Variants in EGFLAM observed in about 807,000 individuals in gnomAD.
The protein encoded by EGFLAM is pikachurin.
In EGFLAM, 79 loss-of-function variants were observed where a neutral mutation model predicts 113.1. The ratio of observed to expected loss-of-function variants is 0.70; its 90% CI spans 0.58 to 0.84. The LOEUF (loss-of-function observed/expected upper bound fraction) is 0.84, where lower values mean the gene tolerates loss of function less well. EGFLAM is among the 40% of genes least tolerant of loss of function. The pLI is 0.00. For synonymous variants in EGFLAM, 504 were observed against 487.6 expected, an observed-to-expected ratio of 1.03 and a Z score of -0.44; for missense variants, 1,265 against 1,291.6, an observed-to-expected ratio of 0.98 and a Z score of 0.32.
intron 5 of EGFLAM, among the ~76,000 whole-genome samples, chr5:38,365,985 C>T (rs1046007448): frequency 1.3e-5 from 2 of 152,178 alleles, no homozygotes; most frequent in South Asian, 2.1e-4. Context: ...TCCTAATTGA[C>T]ATCAAAAGGT....
chr5:38,352,004 T>C (rs543255765), intron 4 of EGFLAM, among the ~76,000 whole-genome samples, 192 bp from the exon 5 acceptor site: 1 of 152,324 alleles, frequency 6.6e-6, no homozygotes, highest in East Asian at 1.9e-4. Flanking sequence ...GTTGTGATTA[T>C]GTTTTTATAT....
chr5:38,445,812 C>G (rs1000878629), intron 17 of EGFLAM: 1 of 1,195,470 alleles, frequency 8.4e-7, no homozygotes, highest in African/African-American at 1.5e-5. Context: ...GACATGCCTA[C>G]GCGTGGTGGG....
intron 5 of EGFLAM, among the ~76,000 whole-genome samples, chr5:38,365,112 A>G (rs1308386661): frequency 1.3e-5 from 2 of 152,200 alleles, no homozygotes; most frequent in African/African-American, 2.4e-5. Context: ...GTATTTTCCT[A>G]GCAGGATTTA....
At chr5:38,317,662 T>A (rs1308262301) in intron 1 of EGFLAM, among the ~76,000 whole-genome samples, 3 of 152,230 alleles carry the variant, frequency 2.0e-5, no homozygotes, top group Non-Finnish European at 4.4e-5. Context: ...TCTCTATTCT[T>A]TGAAAGACAG....
At chr5:38,333,586 C>T (rs537324711) in intron 1 of EGFLAM, among the ~76,000 whole-genome samples, 2 of 151,990 alleles carry the variant, frequency 1.3e-5, no homozygotes, top group African/African-American at 2.4e-5. Flanking sequence ...GCTTGTTGGT[C>T]GCATGTGTGT....
intron 1 of EGFLAM, among the ~76,000 whole-genome samples, chr5:38,302,269 A>G (rs905260783): frequency 1.3e-5 from 2 of 151,588 alleles, no homozygotes; most frequent in African/African-American, 4.9e-5. Flanking sequence ...TCTCAATCAC[A>G]TGTATAGATT....
At chr5:38,387,698 G>C (rs143858125) in intron 6 of EGFLAM, among the ~76,000 whole-genome samples, 2 of 152,314 alleles carry the variant, frequency 1.3e-5, no homozygotes, top group African/African-American at 2.4e-5. Flanking sequence ...CTCTTTCTTT[G>C]TCTTGCTTTA....
rs1242361286 is a variant in EGFLAM, at chr5:38,352,339, T to C, written c.545+8T>C. 4 of 1,613,604 alleles carry C rather than the reference T, an allele frequency of 2.5e-6. No homozygotes were observed. Among genetic ancestry groups the C allele is most frequent in the African/African-American group, 2.7e-5 (2 of 74,898 alleles). On this transcript the variant is annotated splice_region_variant and intron_variant, in intron 5 of 21. Coordinates refer to ENST00000322350, the MANE Select transcript of EGFLAM (RefSeq NM_152403.4). ...TTCTGTGGAATTCATCAGGTAAGTCTGTATGTCACATTCAAAAGCCAAATG... is the reference window on the plus strand; with the variant it reads ...TTCTGTGGAATTCATCAGGTAAGTCCGTATGTCACATTCAAAAGCCAAATG...
At chr5:38,392,884 C>T (rs886183371) in intron 6 of EGFLAM, among the ~76,000 whole-genome samples, 2 of 151,992 alleles carry the variant, frequency 1.3e-5, no homozygotes, top group Non-Finnish European at 2.9e-5. Flanking sequence ...CATCCTGTGT[C>T]CAAGTGTTCT....
chr5:38,360,390 G>T (rs948837681), intron 5 of EGFLAM, among the ~76,000 whole-genome samples: 3 of 152,202 alleles, frequency 2.0e-5, no homozygotes, highest in African/African-American at 7.2e-5. Flanking sequence ...TGGTGAAGTT[G>T]CTTGATTCCA....
chr5:38,312,381 A>C (rs756608949), intron 1 of EGFLAM, among the ~76,000 whole-genome samples: 2 of 151,820 alleles, frequency 1.3e-5, no homozygotes, highest in Non-Finnish European at 2.9e-5. Flanking sequence ...AGCTGGGTCT[A>C]CAGGCGCCTG....
intron 9 of EGFLAM, among the ~76,000 whole-genome samples, 155 bp from the exon 10 acceptor site, chr5:38,408,849 A>G (rs1161501621): frequency 6.6e-6 from 1 of 152,198 alleles, no homozygotes. Flanking sequence ...GGGACCAGGT[A>G]TCTGGGAGTG....
chr5:38,366,751 T>G (rs1740071765), intron 5 of EGFLAM, among the ~76,000 whole-genome samples: 1 of 152,182 alleles, frequency 6.6e-6, no homozygotes, highest in South Asian at 2.1e-4. Context: ...ATTTTATCTT[T>G]GAGAATCTAA....
At chr5:38,455,867 A>T (rs2112278191) in intron 19 of EGFLAM, among the ~76,000 whole-genome samples, 1 of 152,312 alleles carries the variant, frequency 6.6e-6, no homozygotes. Context: ...TAGACAACTG[A>T]AAAGGTTTTC....
chr5:38,282,540 G>C (rs912829280), intron 1 of EGFLAM: 2 of 152,204 alleles, frequency 1.3e-5, no homozygotes, highest in Admixed American at 1.3e-4. Flanking sequence ...AAGGCTTATA[G>C]GCAGAACAGT....
chr5:38,268,645 GC>G (rs1460714602), intron 1 of EGFLAM, among the ~76,000 whole-genome samples: 1 of 152,162 alleles, frequency 6.6e-6, no homozygotes, highest in Non-Finnish European at 1.5e-5. Flanking sequence ...TTTATACGTG[GC>G]AGAATTTGAC....
chr5:38,278,453 A>C lies in EGFLAM; in HGVS notation c.97+19602A>C, dbSNP rs116020147. 8.7e-3 allele frequency among the ~76,000 whole-genome samples: 1,318 copies of C among 152,188 alleles called. 23 individuals carry two copies. Among genetic ancestry groups the C allele is most frequent in the African/African-American group, 0.028 (1,148 of 41,518 alleles). ...AACTATTAAATTACCAGAAGAAAAC[A>C]TAGGCAAAGAGCTCTATAACATTGA... On this transcript the variant is annotated intron_variant, in intron 1 of 21. Coordinates refer to ENST00000322350, the MANE Select transcript of EGFLAM (RefSeq NM_152403.4).
chr5:38,397,883 A>G (rs76841463), intron 6 of EGFLAM, among the ~76,000 whole-genome samples: 30,592 of 152,140 alleles, frequency 0.2, 3,613 homozygotes, highest in African/African-American at 0.31. Context: ...GCTGAGGTTA[A>G]AATATCTACC....
intron 1 of EGFLAM, among the ~76,000 whole-genome samples, chr5:38,292,590 A>C (rs1758362586): frequency 6.6e-6 from 1 of 152,236 alleles, no homozygotes; most frequent in Non-Finnish European, 1.5e-5. Context: ...TCCTGTATCA[A>C]AATTGCACAA....
Sources: allele counts gnomAD v4.1 joint callset (sites outside exome capture counted in the v4.1 genomes callset), GRCh38; gene constraint gnomAD v4.1.1; transcripts MANE v1.5; gene names NCBI Gene and HGNC (gene_info 2026-07-23, HGNC 2026-07-21).